The following ZNF670 variants were observed in gnomAD, a reference collection of about 807,000 sequenced individuals.
ZNF670 encodes the protein zinc finger protein 670.
In ZNF670, 7 loss-of-function variants were observed where a neutral mutation model predicts 10.9. The observed-to-expected ratio is 0.64, with a 90% CI of 0.36 to 1.20. The LOEUF (loss-of-function observed/expected upper bound fraction) is 1.20. ZNF670 is among the 50% of genes most tolerant of loss of function. ZNF670 has a pLI of 0.02. For synonymous variants in ZNF670, 136 were observed against 152.7 expected (o/e 0.89, Z 0.81); for missense variants, 446 against 458.6 (o/e 0.97, Z 0.25).
Position 247,078,714 on chromosome 1 carries a change from G to C in ZNF670, c.-118C>G, listed in dbSNP as rs1256499023. 1.2e-5 allele frequency: 14 copies of C among 1,148,248 alleles called. No homozygotes were observed. Among genetic ancestry groups the C allele is most frequent in the Non-Finnish European group, 1.6e-5 (13 of 793,794 alleles). The allele number at this position is 1,148,248 out of a possible 1,614,324, so 71.1% of individuals were successfully genotyped here. ...CTCCCAGGGATAAGGGGAAGGAGCA[G>C]CGGAGACGCACCGAGCTCGCCACAT... On this transcript the variant is annotated 5_prime_UTR_variant, in exon 1 of 4. Transcript: ENST00000366503.
intron 1 of ZNF670, among the ~76,000 whole-genome samples, chr1:247,076,657 TC>T (rs1303610830): frequency 8.1e-6 from 1 of 123,706 alleles, no homozygotes; most frequent in African/African-American, 4.0e-5. Flanking sequence ...GAATAAACTC[TC>T]TTTTTTTTTT....
intron 1 of ZNF670, among the ~76,000 whole-genome samples, chr1:247,044,959 TA>T (rs368235189): frequency 0.04 from 5,686 of 142,296 alleles, 114 homozygotes; most frequent in African/African-American, 0.065. Flanking sequence ...ACACAAAAGT[TA>T]AAAAAAAAAA....
intron 1 of ZNF670, among the ~76,000 whole-genome samples, chr1:247,062,905 T>TA (rs60806146): frequency 0.33 from 49,649 of 151,964 alleles, 8,927 homozygotes; most frequent in African/African-American, 0.46. Flanking sequence ...ATAAGGCCAC[T>TA]GTGGGCATCT....
At chr1:247,055,251 T>C (rs1670688470) in intron 1 of ZNF670, among the ~76,000 whole-genome samples, 1 of 152,218 alleles carries the variant, frequency 6.6e-6, no homozygotes, top group Admixed American at 6.5e-5. Flanking sequence ...TGGTGAGCAC[T>C]TTCCTTTCCT....
intron 1 of ZNF670, among the ~76,000 whole-genome samples, chr1:247,053,367 T>C (rs1670640460): frequency 6.6e-6 from 1 of 152,170 alleles, no homozygotes; most frequent in African/African-American, 2.4e-5. Flanking sequence ...GCGCGGTGGC[T>C]CACGCCTGTA....
chr1:247,068,319 C>CAAAAAAAAAAAAAAAAAAAAA lies in ZNF670; in HGVS notation c.3+10274_3+10275insTTTTTTTTTTTTTTTTTTTTT, dbSNP rs74163724. The stretch of plus-strand genomic sequence containing the variant: ...AGGTGACAGAGTAAGATTCTGTCTC[C>CAAAAAAAAAAAAAAAAAAAAA]AAAAAAAAAAAAAAAAAAGATGGGC... On this transcript the variant is annotated intron_variant, in intron 1 of 3. Coordinates refer to ENST00000366503, the MANE Select transcript of ZNF670 (RefSeq NM_033213.5). Among the ~76,000 whole-genome samples, 203 of 55,112 alleles carry CAAAAAAAAAAAAAAAAAAAAA rather than the reference C, an allele frequency of 3.7e-3. 10 individuals carry two copies. The highest frequency in any genetic ancestry group is 7.7e-3 in the African/African-American group (75 of 9,692). 36.2% of individuals were successfully genotyped at this position (55,112 alleles called of 152,430 possible).
In ZNF670 at chr1:247,072,798, GTGTGTGTATATA is replaced by G. The variant is rs1346815655; in HGVS notation, c.3+5784_3+5795del. ...ACGAAACTCTGTCTCAAAAAAAAAA[GTGTGTGTATATA>G]TATATATATATATATATATATATAT... On this transcript the variant is annotated intron_variant, in intron 1 of 3. Coordinates refer to ENST00000366503, the MANE Select transcript of ZNF670 (RefSeq NM_033213.5). Among the ~76,000 whole-genome samples, 77 of 19,054 alleles carry G rather than the reference GTGTGTGTATATA, an allele frequency of 4.0e-3. 6 individuals carry two copies. The highest frequency in any genetic ancestry group is 0.015 in the African/African-American group (72 of 4,780). 12.5% of individuals were successfully genotyped at this position (19,054 alleles called of 152,430 possible).
At chr1:247,047,495 C>T (rs771579793) in intron 1 of ZNF670, among the ~76,000 whole-genome samples, 6 of 152,032 alleles carry the variant, frequency 3.9e-5, no homozygotes, top group East Asian at 1.9e-4. Context: ...TCTGCCTAGA[C>T]GTCCATGTAT....
chr1:247,076,412 A>AGAC (rs2103075531), intron 1 of ZNF670, among the ~76,000 whole-genome samples: 1 of 151,792 alleles, frequency 6.6e-6, no homozygotes, highest in East Asian at 2.0e-4. Context: ...GCCCGCCACC[A>AGAC]TGCCCGGCTA....
At chr1:247,057,115 T>C (rs557254534) in intron 1 of ZNF670, among the ~76,000 whole-genome samples, 95 of 152,232 alleles carry the variant, frequency 6.2e-4, no homozygotes, top group African/African-American at 2.1e-3. Context: ...AAGAGATTAA[T>C]AAACAGAATA....
intron 1 of ZNF670, among the ~76,000 whole-genome samples, chr1:247,068,388 G>GGCA (rs1671042269): frequency 6.8e-6 from 1 of 146,562 alleles, no homozygotes. Flanking sequence ...CACACAAATG[G>GGCA]AAAACAGGCA....
intron 1 of ZNF670, among the ~76,000 whole-genome samples, chr1:247,040,565 G>A (rs765142498): frequency 4.6e-5 from 7 of 152,074 alleles, no homozygotes; most frequent in Non-Finnish European, 8.8e-5. Context: ...TAGGGCAATG[G>A]CTTCCTTACC....
At chr1:247,076,461 T>C (rs1572576370) in intron 1 of ZNF670, among the ~76,000 whole-genome samples, 4 of 151,994 alleles carry the variant, frequency 2.6e-5, no homozygotes, top group Middle Eastern at 6.8e-3. Flanking sequence ...TTTCATCACA[T>C]TAGCCAGGAT....
rs368821876 is a variant in ZNF670, at chr1:247,059,320, C to T, written c.3+19274G>A. The stretch of plus-strand genomic sequence containing the variant: ...AATTAGCCGGGCGTGGTGGAGGGCG[C>T]CTGTAGTCCCAGCTACTCAGGAGGC... On this transcript the variant is annotated intron_variant, in intron 1 of 3. Coordinates refer to ENST00000366503, the MANE Select transcript of ZNF670 (RefSeq NM_033213.5). Among the ~76,000 whole-genome samples the T allele has an allele frequency of 2.5e-3, 374 of 151,768 alleles. 2 individuals carry two copies. Among genetic ancestry groups the T allele is most frequent in the African/African-American group, 8.8e-3 (363 of 41,394 alleles).
chr1:247,036,773 C>T lies in ZNF670; in HGVS notation c.*676G>A, dbSNP rs976835915. The T allele has an allele frequency of 1.3e-5, 2 of 151,896 alleles. No individual in the cohort carries two copies. Among genetic ancestry groups the T allele is most frequent in the African/African-American group, 2.4e-5 (1 of 41,364 alleles). 9.4% of individuals were successfully genotyped at this position (151,896 alleles called of 1,614,324 possible). ...AACAATGTACATGAGACTATATAAA[C>T]TTCACATACATGCAAATTAATAACA... On this transcript the variant is annotated 3_prime_UTR_variant, in exon 4 of 4. Coordinates refer to ENST00000366503, the MANE Select transcript of ZNF670 (RefSeq NM_033213.5).
rs1670232657 is a variant in ZNF670, at chr1:247,038,853, G to C, written c.148C>G (p.Gln50Glu). 1 of 1,610,972 alleles carries C rather than the reference G, an allele frequency of 6.2e-7. No homozygotes were observed. The highest frequency in any genetic ancestry group is 8.5e-7 in the Non-Finnish European group (1 of 1,178,342). Residue 50 changes from glutamine (Q) to glutamate (E), a missense_variant, in exon 3 of 4, where the codon CAG becomes GAG. Gln to Glu is a conservative substitution (Grantham distance 29, BLOSUM62 2). Coordinates refer to ENST00000366503, the MANE Select transcript of ZNF670 (RefSeq NM_033213.5). Reference sequence around the variant, plus strand: ...TTTTTGAAGTCATCTTGGATATTCTGGTCTTCTGATTTGTTTCCTAAAAGG... The same window carrying C: ...TTTTTGAAGTCATCTTGGATATTCTCGTCTTCTGATTTGTTTCCTAAAAGG... The part of the protein sequence containing the change: ...LASVGNKSED[Q>E]NIQDDFKNPG...
chr1:247,042,099 G>A (rs2103053465), intron 1 of ZNF670, among the ~76,000 whole-genome samples: 1 of 152,194 alleles, frequency 6.6e-6, no homozygotes, highest in South Asian at 2.1e-4. Context: ...CATTCTTACT[G>A]TATTTCTTAA....
At chr1:247,074,318 T>G (rs1671202956) in intron 1 of ZNF670, among the ~76,000 whole-genome samples, 1 of 151,946 alleles carries the variant, frequency 6.6e-6, no homozygotes, top group Non-Finnish European at 1.5e-5. Context: ...ATACAACCCC[T>G]CTTTATGCCT....
Position 247,037,832 on chromosome 1 carries a change from T to A in ZNF670, c.787A>T (p.Ser263Cys), listed in dbSNP as rs1437467964. ...YECKECGKAFSRSTYLGIHER... is the reference protein window; with the variant it reads ...YECKECGKAFCRSTYLGIHER... Reference sequence around the variant, plus strand: ...TGTATTCCCAAGTAAGTGGAACGACTGAAGGCTTTGCCACATTCCTTACAT... The same window carrying A: ...TGTATTCCCAAGTAAGTGGAACGACAGAAGGCTTTGCCACATTCCTTACAT... The change falls in exon 4 of 4, where the codon AGT becomes TGT. Residue 263 changes from serine (S) to cysteine (C), a missense_variant. Ser to Cys is a moderately radical substitution (Grantham distance 112). Coordinates refer to ENST00000366503, the MANE Select transcript of ZNF670 (RefSeq NM_033213.5). 1.2e-6 allele frequency: 2 copies of A among 1,613,272 alleles called. No individual in the cohort carries two copies. Among genetic ancestry groups the A allele is most frequent in the Non-Finnish European group, 1.7e-6 (2 of 1,179,796 alleles).
Sources: allele counts gnomAD v4.1 joint callset (sites outside exome capture counted in the v4.1 genomes callset), GRCh38; gene constraint gnomAD v4.1.1; transcripts MANE v1.5; gene names NCBI Gene and HGNC (gene_info 2026-07-23, HGNC 2026-07-21).